Variants in TCP11L1 observed in about 807,000 individuals in gnomAD.
TCP11L1 encodes t-complex 11 like 1.
Under a neutral mutation model 48.9 loss-of-function variants are expected in TCP11L1, and 28 were observed. The observed-to-expected ratio is 0.57, with a 90% CI of 0.42 to 0.78. The LOEUF (loss-of-function observed/expected upper bound fraction) is 0.78. Ranked by LOEUF, TCP11L1 falls within the 30% of genes least tolerant of loss-of-function variation. The pLI is 0.00. For missense variants in TCP11L1, 505 were observed against 613.4 expected, an observed-to-expected ratio of 0.82 and a Z score of 1.87; for synonymous variants, 204 against 231.9, an observed-to-expected ratio of 0.88 and a Z score of 1.09.
chr11:33,054,383 G>A (rs1406772579), intron 2 of TCP11L1, among the ~76,000 whole-genome samples: 1 of 152,092 alleles, frequency 6.6e-6, no homozygotes, highest in Non-Finnish European at 1.5e-5. Context: ...CAGATGTTTT[G>A]AGTATTAATA....
intron 8 of TCP11L1, among the ~76,000 whole-genome samples, chr11:33,067,928 A>AT (rs1416819090): frequency 6.6e-6 from 1 of 151,090 alleles, no homozygotes; most frequent in African/African-American, 2.4e-5. Flanking sequence ...ATTTTTATAT[A>AT]TTTTTTTATT....
chr11:33,054,524 C>G, intron 2 of TCP11L1, 69 bp from the exon 3 acceptor site: 2 of 1,564,798 alleles, frequency 1.3e-6, no homozygotes, highest in Non-Finnish European at 1.7e-6. Context: ...ACCAGAACCA[C>G]TGTTTTCTTA....
At position 33,039,676 on chromosome 11, in the gene TCP11L1, G is replaced by A. The variant is rs1167768139; in HGVS notation, c.-141G>A. The A allele has an allele frequency of 2.6e-5, 4 of 152,268 alleles. No homozygotes were observed. The highest frequency in any genetic ancestry group is 4.4e-5 in the Non-Finnish European group (3 of 68,056). 9.4% of individuals were successfully genotyped at this position (152,268 alleles called of 1,614,324 possible). ...CGTGGCGAGGGATGCGGCCTCGGAGGGGCAGAGGCTGAACCGCCCCTGCCT... is the reference window on the plus strand; with the variant it reads ...CGTGGCGAGGGATGCGGCCTCGGAGAGGCAGAGGCTGAACCGCCCCTGCCT... On this transcript the variant is annotated 5_prime_UTR_variant, in exon 1 of 10. Coordinates refer to ENST00000334274, the MANE Select transcript of TCP11L1 (RefSeq NM_018393.4).
chr11:33,065,388 C>T (rs1028181995), intron 7 of TCP11L1, among the ~76,000 whole-genome samples: 9 of 152,124 alleles, frequency 5.9e-5, no homozygotes, highest in African/African-American at 1.7e-4. Context: ...CTCATCCTCC[C>T]GAGTAGCTGG....
intron 2 of TCP11L1, among the ~76,000 whole-genome samples, 166 bp from the exon 3 acceptor site, chr11:33,054,427 A>G (rs1040727022): frequency 6.6e-5 from 10 of 152,198 alleles, no homozygotes; most frequent in Non-Finnish European, 1.2e-4. Context: ...AAGGGTAAAA[A>G]ATGAATATGA....
intron 6 of TCP11L1, 24 bp from the exon 7 acceptor site, chr11:33,061,506 T>C (rs1488618700): frequency 1.3e-6 from 2 of 1,556,090 alleles, no homozygotes; most frequent in Non-Finnish European, 1.7e-6. Flanking sequence ...GTCAAGGTAA[T>C]GTGTGCAGCT....
intron 1 of TCP11L1, among the ~76,000 whole-genome samples, chr11:33,042,372 CGCCTGTTTTAG>C (rs1376376064): frequency 6.6e-6 from 1 of 152,148 alleles, no homozygotes; most frequent in Non-Finnish European, 1.5e-5. Context: ...CCTCATGATC[CGCCTGTTTTAG>C]GCCTGTTTTA....
chr11:33,069,546 A>G (rs974286870), intron 9 of TCP11L1, among the ~76,000 whole-genome samples: 4 of 152,204 alleles, frequency 2.6e-5, no homozygotes, highest in Non-Finnish European at 5.9e-5. Context: ...ATCATTTTGT[A>G]GTATATACAT....
intron 2 of TCP11L1, among the ~76,000 whole-genome samples, chr11:33,048,071 T>G (rs1366919534): frequency 1.3e-5 from 2 of 152,226 alleles, no homozygotes; most frequent in Non-Finnish European, 2.9e-5. Context: ...GTTTTCAGTT[T>G]CTCTAACAGG....
intron 1 of TCP11L1, chr11:33,041,296 C>T (rs1235869393): frequency 6.6e-6 from 1 of 152,192 alleles, no homozygotes; most frequent in Non-Finnish European, 1.5e-5. Flanking sequence ...TTTTGTTTGT[C>T]GTTTCTCACA....
chr11:33,055,212 T>C (rs1854276824), intron 3 of TCP11L1, among the ~76,000 whole-genome samples: 1 of 152,226 alleles, frequency 6.6e-6, no homozygotes, highest in South Asian at 2.1e-4. Context: ...TTCTGAGAGA[T>C]TAAAATATTG....
chr11:33,065,788 C>G, intron 7 of TCP11L1, 42 bp from the exon 8 acceptor site: 1 of 1,590,976 alleles, frequency 6.3e-7, no homozygotes, highest in Non-Finnish European at 8.6e-7. Flanking sequence ...GCTGGCCAAC[C>G]TGGACCTGCA....
chr11:33,065,693 A>G lies in TCP11L1; in HGVS notation c.973-137A>G. On this transcript the variant is annotated intron_variant, in intron 7 of 9. Coordinates refer to ENST00000334274, the MANE Select transcript of TCP11L1 (RefSeq NM_018393.4). ...AGATAGAGGGGTTATTTCACACCAG[A>G]CTCCCTCAAAGCTCTGACACACTAG... 4 of 935,204 alleles carry G rather than the reference A, an allele frequency of 4.3e-6. No individual in the cohort carries two copies. In the South Asian group the frequency reaches 4.8e-5, roughly 11 times the overall value. 57.9% of individuals were successfully genotyped at this position (935,204 alleles called of 1,614,324 possible).
At chr11:33,047,586 C>T (rs931148044) in intron 2 of TCP11L1, among the ~76,000 whole-genome samples, 4 of 152,126 alleles carry the variant, frequency 2.6e-5, no homozygotes, top group South Asian at 2.1e-4. Context: ...TTAGTAGATC[C>T]CAGTCATCTT....
intron 7 of TCP11L1, among the ~76,000 whole-genome samples, chr11:33,064,305 G>A (rs994733211): frequency 6.6e-6 from 1 of 152,152 alleles, no homozygotes. Context: ...AAAACAGGCC[G>A]ACGATGAGTC....
chr11:33,059,062 A>C lies in TCP11L1; in HGVS notation c.742A>C (p.Lys248Gln). ...LMQQSVEYER[K>Q]KFQEILERQP... ...GCAGCAGTCAGTTGAATACGAAAGG[A>C]AGAAGTTTCAAGAGATTTTGGAGAG... The change falls in exon 6 of 10, where the codon AAG becomes CAG. Residue 248 changes from lysine to glutamine, a missense_variant. Coordinates refer to ENST00000334274, the MANE Select transcript of TCP11L1 (RefSeq NM_018393.4). 3 of 1,614,128 alleles carry C rather than the reference A, an allele frequency of 1.9e-6. No homozygotes were observed. Among genetic ancestry groups the C allele is most frequent in the African/African-American group, 2.7e-5 (2 of 75,056 alleles).
At chr11:33,060,152 C>G (rs1854427540) in intron 6 of TCP11L1, among the ~76,000 whole-genome samples, 1 of 152,102 alleles carries the variant, frequency 6.6e-6, no homozygotes. Flanking sequence ...CTCTGTCACC[C>G]AGGCTGGAGT....
rs1216736136 is a variant in TCP11L1 at position 33,044,060 on chromosome 11, A to G, written c.163+124A>G. The G allele has an allele frequency of 7.1e-6, 7 of 989,240 alleles. No homozygotes were observed. In the East Asian group the frequency reaches 1.6e-4, roughly 23 times the overall value. 61.3% of individuals were successfully genotyped at this position (989,240 alleles called of 1,614,324 possible). ...AATAATATAACATTGCCAATGTAGC[A>G]TTTAGGAATAATAGCAGTTCCTCAG... On this transcript the variant is annotated intron_variant, in intron 2 of 9. Coordinates refer to ENST00000334274, the MANE Select transcript of TCP11L1 (RefSeq NM_018393.4).
At chr11:33,043,630 T>C (rs762109399) in intron 1 of TCP11L1, 120 bp from the exon 2 acceptor site, 21 of 728,516 alleles carry the variant, frequency 2.9e-5, no homozygotes, top group Non-Finnish European at 3.6e-5. Flanking sequence ...AGCTCATTTA[T>C]TCTACAAACG....
Sources: gnomAD v4.1 joint callset for allele counts (sites outside exome capture counted in the v4.1 genomes callset) on GRCh38, gnomAD v4.1.1 for gene constraint, MANE v1.5 for transcripts, NCBI Gene and HGNC (gene_info 2026-07-23, HGNC 2026-07-21) for gene names.